SIAH3: variants seen among roughly 807,000 people sequenced by gnomAD.
SIAH3 encodes the protein seven in absentia homolog 3.
In SIAH3, 9 loss-of-function variants were observed where a neutral mutation model predicts 12.6. That is an observed-to-expected ratio of 0.72 (90% CI 0.43 to 1.25). SIAH3 has a LOEUF of 1.25. Ranked by LOEUF, SIAH3 falls within the 50% of genes most tolerant of loss-of-function variation. SIAH3 has a pLI of 0.00. For missense variants in SIAH3, 390 were observed against 365.4 expected (o/e 1.07, Z -0.55); for synonymous variants, 154 against 151.1 (o/e 1.02, Z -0.14).
At chr13:45,829,190 CA>C (rs1206103800) in intron 1 of SIAH3, among the ~76,000 whole-genome samples, 5 of 152,160 alleles carry the variant, frequency 3.3e-5, no homozygotes, top group Non-Finnish European at 7.3e-5. Flanking sequence ...ATAGAGCTAG[CA>C]AAAGTCAGCA....
At position 45,777,863 on chromosome 13, in the gene SIAH3, A is replaced by G. The variant is rs1432686391; in HGVS notation, c.*5520T>C. 1 of 152,146 alleles carries G rather than the reference A, an allele frequency of 6.6e-6. No homozygotes were observed. Among genetic ancestry groups the G allele is most frequent in the Non-Finnish European group, 1.5e-5 (1 of 68,044 alleles). 9.4% of individuals were successfully genotyped at this position (152,146 alleles called of 1,614,324 possible). A position where few individuals can be genotyped will look rare whatever the true frequency, so the allele number is the denominator to read the frequency against. On this transcript the variant is annotated 3_prime_UTR_variant, in exon 2 of 2. Transcript: ENST00000400405. ...TTCTTCCATCCCTTCCACTGAAACC[A>G]CTGGGATCAGAGTAACTGATGCACT... is the stretch of plus-strand genomic sequence containing the variant.
chr13:45,839,414 C>T (rs1950731204), intron 1 of SIAH3, among the ~76,000 whole-genome samples: 1 of 152,164 alleles, frequency 6.6e-6, no homozygotes. Context: ...ACCTGTTAAA[C>T]CAGGTAACCC....
chr13:45,829,653 C>A (rs1018831117), intron 1 of SIAH3, among the ~76,000 whole-genome samples: 5 of 152,264 alleles, frequency 3.3e-5, no homozygotes, highest in South Asian at 2.1e-4. Context: ...TTGTCTCATG[C>A]CACTTCCTAG....
At chr13:45,796,533 T>C (rs867823602) in intron 1 of SIAH3, among the ~76,000 whole-genome samples, 14 of 152,284 alleles carry the variant, frequency 9.2e-5, no homozygotes, top group Middle Eastern at 3.4e-3. Context: ...GGCAGAGTCA[T>C]GGCTGACACT....
In SIAH3 at chr13:45,793,198, G is replaced by T. The variant is rs373963487; in HGVS notation, c.136-9141C>A. Among the ~76,000 whole-genome samples the T allele has an allele frequency of 3.9e-5, 6 of 152,300 alleles. No homozygotes were observed. The South Asian group carries it at 1.2e-3, about 32-fold the overall frequency. On this transcript the variant is annotated intron_variant, in intron 1 of 1. Transcript: ENST00000400405. ...TGCCATAACCTTTGAGAGGAGGCAG[G>T]TTGCTGGAACTGGTTACACATGCAA...
chr13:45,784,945 G>A (rs759590281), intron 1 of SIAH3, among the ~76,000 whole-genome samples: 1 of 152,228 alleles, frequency 6.6e-6, no homozygotes, highest in Non-Finnish European at 1.5e-5. Context: ...TTTTGGTGTG[G>A]GTGGCACAGA....
At chr13:45,789,468 G>A (rs1024606543) in intron 1 of SIAH3, among the ~76,000 whole-genome samples, 3 of 152,052 alleles carry the variant, frequency 2.0e-5, no homozygotes, top group African/African-American at 7.3e-5. Flanking sequence ...ATGCAGCGAC[G>A]TGATCTCGGC....
chr13:45,827,918 T>C (rs997367923), intron 1 of SIAH3, among the ~76,000 whole-genome samples: 1 of 152,240 alleles, frequency 6.6e-6, no homozygotes, highest in Non-Finnish European at 1.5e-5. Flanking sequence ...ATCCAATCTG[T>C]GCAGTTCCAA....
Position 45,783,443 on chromosome 13 carries a change from G to C in SIAH3, c.750C>G (p.Ser250Arg), listed in dbSNP as rs1950512875. 1.2e-6 allele frequency: 2 copies of C among 1,613,986 alleles called. No homozygotes were observed. The highest frequency in any genetic ancestry group is 2.7e-5 in the African/African-American group (2 of 74,916). Reference sequence around the variant, plus strand: ...CGGTGATGGCAATCCCAATGGCAAGGCTGCCGTTGTCAGAGAAGAGCTGTG... The same window carrying C: ...CGGTGATGGCAATCCCAATGGCAAGCCTGCCGTTGTCAGAGAAGAGCTGTG... ...SLAQLFSDNG[S>R]LAIGIAITAT... Residue 250 changes from serine to arginine, a missense_variant, in exon 2 of 2, where the codon AGC becomes AGG. By Grantham distance (110) the Ser-to-Arg change is moderately radical (BLOSUM62 -1). Transcript: ENST00000400405.
chr13:45,832,201 T>C (rs1950701806), intron 1 of SIAH3, among the ~76,000 whole-genome samples: 1 of 152,252 alleles, frequency 6.6e-6, no homozygotes, highest in Non-Finnish European at 1.5e-5. Context: ...AAAACATATC[T>C]AAAATAAAAT....
intron 1 of SIAH3, among the ~76,000 whole-genome samples, chr13:45,811,961 A>G (rs1461809869): frequency 1.3e-5 from 2 of 152,180 alleles, no homozygotes; most frequent in African/African-American, 4.8e-5. Flanking sequence ...GCATGCCTGC[A>G]CTGGAATCCC....
At chr13:45,840,424 G>A (rs1021714834) in intron 1 of SIAH3, among the ~76,000 whole-genome samples, 2 of 152,212 alleles carry the variant, frequency 1.3e-5, no homozygotes, top group African/African-American at 4.8e-5. Context: ...AAATCACTTA[G>A]CACAGTGCTT....
intron 1 of SIAH3, among the ~76,000 whole-genome samples, chr13:45,794,329 A>G (rs1293087151): frequency 6.6e-6 from 1 of 151,960 alleles, no homozygotes; most frequent in African/African-American, 2.4e-5. Flanking sequence ...ATGATTATCA[A>G]CTCCATACCC....
chr13:45,831,222 A>ATAAG (rs1950698026), intron 1 of SIAH3, among the ~76,000 whole-genome samples: 3 of 151,610 alleles, frequency 2.0e-5, no homozygotes, highest in Non-Finnish European at 4.4e-5. Flanking sequence ...AAATAAATAA[A>ATAAG]TAAAATAAAA....
At chr13:45,846,749 GC>G (rs1950761538) in intron 1 of SIAH3, among the ~76,000 whole-genome samples, 1 of 152,214 alleles carries the variant, frequency 6.6e-6, no homozygotes, top group Non-Finnish European at 1.5e-5. Flanking sequence ...CTTCGGGGCT[GC>G]TGGATAAATG....
intron 1 of SIAH3, among the ~76,000 whole-genome samples, chr13:45,814,756 C>T (rs1950628331): frequency 7.1e-6 from 1 of 139,886 alleles, no homozygotes; most frequent in Admixed American, 6.8e-5. Flanking sequence ...GACAGAGGCT[C>T]CCTCTCTTGC....
chr13:45,816,931 T>A (rs951525378), intron 1 of SIAH3, among the ~76,000 whole-genome samples: 4 of 152,214 alleles, frequency 2.6e-5, no homozygotes, highest in African/African-American at 9.6e-5. Context: ...CTGTACTAGA[T>A]AATGGTTAGG....
At chr13:45,789,420 A>C (rs1311274049) in intron 1 of SIAH3, among the ~76,000 whole-genome samples, 1 of 142,144 alleles carries the variant, frequency 7.0e-6, no homozygotes, top group African/African-American at 2.6e-5. Context: ...ATCTATCTAT[A>C]TGTTGAGACA....
At chr13:45,793,244 G>T (rs1325651) in intron 1 of SIAH3, among the ~76,000 whole-genome samples, 79,793 of 152,056 alleles carry the variant, frequency 0.52, 22,182 homozygotes, top group African/African-American at 0.65. Flanking sequence ...CAGAAGCAGA[G>T]GTGTTAGGAG....
Sources: gnomAD v4.1 joint callset for allele counts (sites outside exome capture counted in the v4.1 genomes callset) on GRCh38, gnomAD v4.1.1 for gene constraint, MANE v1.5 for transcripts, NCBI Gene and HGNC (gene_info 2026-07-23, HGNC 2026-07-21) for gene names.